FAM20A: variants seen among roughly 807,000 people sequenced by gnomAD.
FAM20A encodes FAM20A golgi associated secretory pathway pseudokinase, also known as pseudokinase FAM20A.
Under a neutral mutation model 52.0 loss-of-function variants are expected in FAM20A, and 42 were observed. The ratio of observed to expected loss-of-function variants is 0.81; its 90% CI spans 0.63 to 1.04. The LOEUF (loss-of-function observed/expected upper bound fraction) is 1.04. Ranked by LOEUF, FAM20A falls within the 50% of genes least tolerant of loss-of-function variation. FAM20A has a pLI of 0.00. For synonymous variants in FAM20A, 304 were observed against 298.9 expected, an observed-to-expected ratio of 1.02 and a Z score of -0.18; for missense variants, 742 against 712.7, an observed-to-expected ratio of 1.04 and a Z score of -0.47.
rs547882467 is a variant in FAM20A, at chr17:68,546,552, T to C, written c.720-2831A>G. On this transcript the variant is annotated intron_variant, in intron 4 of 10. Coordinates refer to ENST00000592554, the MANE Select transcript of FAM20A (RefSeq NM_017565.4). Reference sequence around the variant, plus strand: ...TATTTCTTAAATTGTAAGACTTGGCTGGGCGTGGTGGCTCGCGCCTATAAT... The same window carrying C: ...TATTTCTTAAATTGTAAGACTTGGCCGGGCGTGGTGGCTCGCGCCTATAAT... Among the ~76,000 whole-genome samples the C allele has an allele frequency of 1.4e-4, 21 of 152,162 alleles. 1 individual carries two copies. The highest frequency in any genetic ancestry group is 7.7e-4 in the East Asian group (4 of 5,188).
Position 68,600,719 on chromosome 17 carries a change from C to T in FAM20A, c.-53G>A, listed in dbSNP as rs1255390648. 13 of 1,514,018 alleles carry T rather than the reference C, an allele frequency of 8.6e-6. No individual in the cohort carries two copies. The highest frequency in any genetic ancestry group is 6.1e-5 in the Admixed American group (3 of 49,202). 93.8% of individuals were successfully genotyped at this position (1,514,018 alleles called of 1,614,324 possible). A position where few individuals can be genotyped will look rare whatever the true frequency, so the allele number is the denominator to read the frequency against. ...GGCAGGCCGGCTGTCTCCGGGGTCC[C>T]GGGAGGGGTCGCGGGGTGCGGGCAG... On this transcript the variant is annotated 5_prime_UTR_variant, in exon 1 of 11. Transcript: ENST00000592554. This position sits in a 1 kb window ranked among gnomAD's most constrained non-coding sequence, Gnocchi z 6.2.
chr17:68,572,516 G>C (rs2087593327), intron 1 of FAM20A, among the ~76,000 whole-genome samples: 1 of 152,032 alleles, frequency 6.6e-6, no homozygotes, highest in Non-Finnish European at 1.5e-5. Context: ...GAAGGGCATG[G>C]GCTTTTGGAA....
At chr17:68,564,913 T>C (rs2087333104) in intron 1 of FAM20A, among the ~76,000 whole-genome samples, 1 of 152,104 alleles carries the variant, frequency 6.6e-6, no homozygotes, top group South Asian at 2.1e-4. Flanking sequence ...CGGCTGTGAC[T>C]CACAGGGTTC....
intron 2 of FAM20A, 67 bp downstream of exon 2, chr17:68,555,492 T>G: frequency 6.4e-7 from 1 of 1,573,334 alleles, no homozygotes; most frequent in East Asian, 2.2e-5. Context: ...GAGCCTAGCC[T>G]GGGATGCTTT....
At chr17:68,538,138 G>A (rs1259953841) in intron 10 of FAM20A, among the ~76,000 whole-genome samples, 2 of 152,196 alleles carry the variant, frequency 1.3e-5, no homozygotes, top group South Asian at 2.1e-4. Flanking sequence ...AAATCCCCCA[G>A]TACTGCCAGC....
At chr17:68,549,851 C>T (rs1436795681) in intron 4 of FAM20A, among the ~76,000 whole-genome samples, 1 of 152,206 alleles carries the variant, frequency 6.6e-6, no homozygotes, top group East Asian at 1.9e-4. Flanking sequence ...TTATAGCTCT[C>T]ATTTCAAAGG....
intron 1 of FAM20A, among the ~76,000 whole-genome samples, chr17:68,567,054 G>A (rs375830965): frequency 6.7e-5 from 10 of 149,724 alleles, no homozygotes; most frequent in Admixed American, 2.6e-4. Flanking sequence ...TGCATCCACC[G>A]CCCTAGCTTC....
chr17:68,544,945 C>T (rs2143547439), intron 4 of FAM20A, among the ~76,000 whole-genome samples: 2 of 152,312 alleles, frequency 1.3e-5, no homozygotes, highest in East Asian at 3.9e-4. Flanking sequence ...CAGTGCTTCT[C>T]ATACTTTGAG....
chr17:68,552,004 T>G (rs1310573486), intron 3 of FAM20A, 53 bp from the exon 4 acceptor site: 1 of 1,196,996 alleles, frequency 8.4e-7, no homozygotes, highest in Non-Finnish European at 1.2e-6. Context: ...CAGCCAAGGC[T>G]TGTGACTCTG....
chr17:68,574,226 G>A (rs1034540135), intron 1 of FAM20A, among the ~76,000 whole-genome samples: 2 of 151,896 alleles, frequency 1.3e-5, no homozygotes, highest in South Asian at 2.1e-4. Flanking sequence ...CACCATGCCC[G>A]GCTAATTTTG....
chr17:68,577,563 C>G (rs1165643596), intron 1 of FAM20A, among the ~76,000 whole-genome samples: 1 of 152,148 alleles, frequency 6.6e-6, no homozygotes, highest in Non-Finnish European at 1.5e-5. Context: ...CAGCTCTGCA[C>G]AAGAGAAAAT....
At chr17:68,578,622 T>C (rs2087842456) in intron 1 of FAM20A, among the ~76,000 whole-genome samples, 1 of 151,770 alleles carries the variant, frequency 6.6e-6, no homozygotes. Flanking sequence ...TGCCTCAGAG[T>C]GTTTTTAGGA....
At chr17:68,552,054 G>T in intron 3 of FAM20A, 103 bp from the exon 4 acceptor site, 1 of 740,862 alleles carries the variant, frequency 1.3e-6, no homozygotes, top group South Asian at 1.5e-5. Flanking sequence ...TTCCTCTTAT[G>T]TAATGAGACC....
intron 1 of FAM20A, among the ~76,000 whole-genome samples, chr17:68,570,232 C>T (rs967796968): frequency 2.0e-5 from 3 of 152,136 alleles, no homozygotes; most frequent in Non-Finnish European, 2.9e-5. Flanking sequence ...CCTGCCACCA[C>T]ACCTGGCTAA....
At chr17:68,581,410 CTTTCTTTTTCTCTTT>C (rs2087972339) in intron 1 of FAM20A, among the ~76,000 whole-genome samples, 2 of 137,152 alleles carry the variant, frequency 1.5e-5, no homozygotes, top group Admixed American at 7.3e-5. Flanking sequence ...TTCTTTCTTT[CTTTCTTTTTCTCTTT>C]TCTTTCTTTC....
intron 7 of FAM20A, chr17:68,541,238 A>T (rs757180414): frequency 9.1e-6 from 4 of 439,928 alleles, no homozygotes; most frequent in African/African-American, 2.0e-5. Context: ...GGAAAGGAGG[A>T]GGTAGTGACC....
At chr17:68,563,523 A>G (rs2087283929) in intron 1 of FAM20A, among the ~76,000 whole-genome samples, 1 of 151,674 alleles carries the variant, frequency 6.6e-6, no homozygotes, top group African/African-American at 2.4e-5. Flanking sequence ...CTGCCCCATG[A>G]TGTCCATGCA....
At chr17:68,598,000 AT>A (rs1340706012) in intron 1 of FAM20A, 2 of 106,042 alleles carry the variant, frequency 1.9e-5, no homozygotes, top group African/African-American at 7.1e-5. Context: ...AATCTTCTGT[AT>A]GGTTTTTTTT....
chr17:68,562,611 T>TC (rs556263514), intron 1 of FAM20A, among the ~76,000 whole-genome samples: 20,303 of 149,172 alleles, frequency 0.14, 3,646 homozygotes, highest in African/African-American at 0.4. Context: ...TCCTTTTCCA[T>TC]CCCCCCCCCT....
Sources: allele counts gnomAD v4.1 joint callset (sites outside exome capture counted in the v4.1 genomes callset), GRCh38; gene constraint gnomAD v4.1.1; non-coding constraint Gnocchi (gnomAD v3.1); transcripts MANE v1.5; gene names NCBI Gene and HGNC (gene_info 2026-07-23, HGNC 2026-07-21).